The following KCNH1 variants were observed in gnomAD, a reference collection of about 807,000 sequenced individuals.
The protein encoded by KCNH1 is potassium voltage-gated channel subfamily H member 1, also known as voltage-gated delayed rectifier potassium channel KCNH1.
A neutral mutation model predicts 69.2 loss-of-function variants in KCNH1; 27 were observed. That is an observed-to-expected ratio of 0.39 (90% CI 0.29 to 0.54). The LOEUF (loss-of-function observed/expected upper bound fraction) is 0.54, where lower values mean the gene tolerates loss of function less well. KCNH1 is among the 20% of genes least tolerant of loss of function. KCNH1 has a pLI of 0.68. For missense variants in KCNH1, 798 were observed against 1,261.6 expected, an observed-to-expected ratio of 0.63 and a Z score of 5.57; for synonymous variants, 456 against 487.7, an observed-to-expected ratio of 0.93 and a Z score of 0.86.
At chr1:211,067,005 G>A (rs1028150465) in intron 5 of KCNH1, among the ~76,000 whole-genome samples, 9 of 152,048 alleles carry the variant, frequency 5.9e-5, no homozygotes, top group Non-Finnish European at 1.0e-4. Context: ...TCCTCACGGG[G>A]AAGGTTTCAG....
chr1:210,829,347 C>T (rs574672920), intron 7 of KCNH1, among the ~76,000 whole-genome samples: 1 of 152,280 alleles, frequency 6.6e-6, no homozygotes, highest in South Asian at 2.1e-4. Flanking sequence ...TTATTACATT[C>T]CCAGCGCTAT....
chr1:210,860,179 G>A, intron 7 of KCNH1: 1 of 1,206,722 alleles, frequency 8.3e-7, no homozygotes, highest in South Asian at 1.2e-5. Context: ...GGTATCAACT[G>A]TTACATAATT....
intron 10 of KCNH1, among the ~76,000 whole-genome samples, chr1:210,750,738 G>C (rs1309569689): frequency 6.6e-6 from 1 of 152,122 alleles, no homozygotes; most frequent in East Asian, 1.9e-4. Flanking sequence ...AATGTAAGAT[G>C]GGATTTCGGA....
intron 5 of KCNH1, among the ~76,000 whole-genome samples, chr1:211,058,793 C>A (rs1690363806): frequency 6.6e-6 from 1 of 151,964 alleles, no homozygotes; most frequent in South Asian, 2.1e-4. Flanking sequence ...CACAGAGTAA[C>A]TAAGTGGATT....
intron 6 of KCNH1, among the ~76,000 whole-genome samples, chr1:210,984,666 T>G (rs1467454934): frequency 6.6e-6 from 1 of 152,226 alleles, no homozygotes; most frequent in East Asian, 1.9e-4. Context: ...CTTTTTGATG[T>G]GCTGCTGGAT....
At chr1:211,119,813 C>G (rs1218391400) in intron 1 of KCNH1, among the ~76,000 whole-genome samples, 1 of 152,130 alleles carries the variant, frequency 6.6e-6, no homozygotes, top group Non-Finnish European at 1.5e-5. Flanking sequence ...TCTTAATATC[C>G]TACAGAAATA....
chr1:210,990,584 G>T (rs940667986), intron 6 of KCNH1, among the ~76,000 whole-genome samples: 1 of 152,176 alleles, frequency 6.6e-6, no homozygotes, highest in Non-Finnish European at 1.5e-5. Flanking sequence ...AGCAGAGCCT[G>T]GTTTCTAAAC....
At chr1:210,755,467 A>G (rs1209475903) in intron 10 of KCNH1, among the ~76,000 whole-genome samples, 2 of 152,240 alleles carry the variant, frequency 1.3e-5, no homozygotes, top group African/African-American at 2.4e-5. Context: ...AACATGCAGC[A>G]TAATAGCGAA....
At chr1:211,127,913 C>T (rs1326829947) in intron 1 of KCNH1, among the ~76,000 whole-genome samples, 2 of 152,152 alleles carry the variant, frequency 1.3e-5, no homozygotes, top group African/African-American at 4.8e-5. Context: ...GCATTAATAG[C>T]ACAAAACTGG....
chr1:210,754,922 C>G (rs1184359436), intron 10 of KCNH1, among the ~76,000 whole-genome samples: 2 of 152,062 alleles, frequency 1.3e-5, no homozygotes, highest in African/African-American at 2.4e-5. Flanking sequence ...AGCAACATTG[C>G]TGGCAGACAC....
At chr1:211,083,448 G>A (rs1237752670) in intron 4 of KCNH1, among the ~76,000 whole-genome samples, 1 of 152,244 alleles carries the variant, frequency 6.6e-6, no homozygotes. Context: ...TGGGGGAAAA[G>A]CAGTGGTAGA....
chr1:210,897,024 G>C (rs1029769229), intron 7 of KCNH1, among the ~76,000 whole-genome samples: 6 of 152,180 alleles, frequency 3.9e-5, no homozygotes, highest in African/African-American at 1.4e-4. Flanking sequence ...CTCTAAATGG[G>C]ATGGTCTTCT....
chr1:211,041,549 T>C (rs913365553), intron 5 of KCNH1, among the ~76,000 whole-genome samples: 4 of 152,206 alleles, frequency 2.6e-5, no homozygotes, highest in African/African-American at 7.2e-5. Context: ...ACTTTCATTC[T>C]TGCCCTCCTC....
At chr1:210,762,450 A>G (rs1261825252) in intron 10 of KCNH1, among the ~76,000 whole-genome samples, 1 of 152,150 alleles carries the variant, frequency 6.6e-6, no homozygotes, top group Non-Finnish European at 1.5e-5. Context: ...TGGTTCTTCG[A>G]AAAGGATAAA....
chr1:211,134,039 A>C lies in KCNH1; in HGVS notation c.-94T>G. On this transcript the variant is annotated 5_prime_UTR_variant, in exon 1 of 11. Transcript: ENST00000271751. The surrounding 1 kb of genome is among the most constrained non-coding windows in gnomAD (Gnocchi z 5.7). ...GGGGCCCGCACGCAGTCCCGGCTCG[A>C]AGCGCCCCATGCGCCCGGCGGGGAT... 3.6e-6 allele frequency: 4 copies of C among 1,100,964 alleles called. No individual in the cohort carries two copies. Among genetic ancestry groups the C allele is most frequent in the Non-Finnish European group, 5.4e-6 (4 of 742,732 alleles). The allele number at this position is 1,100,964 out of a possible 1,614,324, so 68.2% of individuals were successfully genotyped here.
chr1:211,082,464 A>G (rs1365168323), intron 5 of KCNH1, among the ~76,000 whole-genome samples: 1 of 152,188 alleles, frequency 6.6e-6, no homozygotes. Context: ...TTGCTCTAAT[A>G]ACAAAATTGT....
At chr1:210,914,206 C>T (rs1265030179) in intron 7 of KCNH1, among the ~76,000 whole-genome samples, 3 of 152,106 alleles carry the variant, frequency 2.0e-5, no homozygotes, top group African/African-American at 7.2e-5. Context: ...ACCAAAGACG[C>T]CTTCCAAAAT....
At chr1:210,894,978 A>C (rs1484824104) in intron 7 of KCNH1, among the ~76,000 whole-genome samples, 1 of 152,192 alleles carries the variant, frequency 6.6e-6, no homozygotes, top group Non-Finnish European at 1.5e-5. Context: ...ATTTCCTCAG[A>C]TTCTGACTGA....
chr1:210,804,129 A>C lies in KCNH1; in HGVS notation c.1500T>G (p.Thr500=), dbSNP rs75867447. 3.5e-4 allele frequency: 558 copies of C among 1,614,048 alleles called. 1 individual carries two copies. The African/African-American group carries it at 6.6e-3, about 19-fold the overall frequency. Residue 500 remains threonine, a synonymous_variant, in exon 8 of 11, where the codon ACT becomes ACG. Coordinates refer to ENST00000271751, the MANE Select transcript of KCNH1 (RefSeq NM_172362.3). ...TGTTGGCATACATCTGTTGGAAAAT[A>C]GTCGTCACATTCCCGAAGATGGTGG... ...LYATIFGNVT[T]IFQQMYANTN... is the part of the protein sequence containing the mutation.
Sources: gnomAD v4.1 joint callset for allele counts (sites outside exome capture counted in the v4.1 genomes callset) on GRCh38, gnomAD v4.1.1 for gene constraint, Gnocchi (gnomAD v3.1) non-coding constraint, MANE v1.5 for transcripts, NCBI Gene and HGNC (gene_info 2026-07-23, HGNC 2026-07-21) for gene names.